Variants in ADK observed in about 807,000 individuals in gnomAD.
The protein encoded by ADK is N6,N6-dimethyladenosine kinase.
In ADK, 24 loss-of-function variants were observed where a neutral mutation model predicts 44.7. The ratio of observed to expected loss-of-function variants is 0.54; its 90% CI spans 0.39 to 0.76. The LOEUF is 0.76. ADK is among the 30% of genes least tolerant of loss of function. The pLI, the probability that ADK is intolerant of heterozygous loss-of-function variation, is 0.00. For missense variants in ADK, 321 were observed against 425.1 expected, an observed-to-expected ratio of 0.76 and a Z score of 2.15; for synonymous variants, 128 against 142.6, an observed-to-expected ratio of 0.90 and a Z score of 0.73.
chr10:74,269,804 C>G (rs994604002), intron 3 of ADK, among the ~76,000 whole-genome samples: 1 of 152,098 alleles, frequency 6.6e-6, no homozygotes, highest in African/African-American at 2.4e-5. Context: ...CAAGACCAGC[C>G]TGGCCAACAT....
At position 74,684,168 on chromosome 10, in the gene ADK, A is replaced by G. The variant is rs183460172; in HGVS notation, c.964+13899A>G. Among the ~76,000 whole-genome samples, 20 of 152,374 alleles carry G rather than the reference A, an allele frequency of 1.3e-4. No homozygotes were observed. The East Asian group carries it at 3.3e-3, about 25-fold the overall frequency. Reference sequence around the variant, plus strand: ...AAGTACCAGAAGTTTAGCCCCTAAAATCAGTTAACCACTTGGGAGTTTTGT... The same window carrying G: ...AAGTACCAGAAGTTTAGCCCCTAAAGTCAGTTAACCACTTGGGAGTTTTGT... On this transcript the variant is annotated intron_variant, in intron 10 of 10. Coordinates refer to ENST00000539909, the MANE Select transcript of ADK (RefSeq NM_006721.4).
chr10:74,455,092 C>T (rs541061755), intron 6 of ADK, among the ~76,000 whole-genome samples: 3 of 151,994 alleles, frequency 2.0e-5, no homozygotes, highest in Admixed American at 6.5e-5. Context: ...TATCCTGAAC[C>T]GTGCCTATAG....
chr10:74,183,625 C>T (rs1011212318), intron 1 of ADK, among the ~76,000 whole-genome samples: 1 of 151,744 alleles, frequency 6.6e-6, no homozygotes, highest in Non-Finnish European at 1.5e-5. Flanking sequence ...ATTCACCTGA[C>T]ACAGCCTCCC....
intron 4 of ADK, among the ~76,000 whole-genome samples, chr10:74,370,837 G>A (rs1358905836): frequency 2.0e-5 from 3 of 152,128 alleles, no homozygotes; most frequent in Non-Finnish European, 4.4e-5. Flanking sequence ...GCCTCCAAAA[G>A]TGCTGGGATT....
At chr10:74,438,663 A>G (rs762446499) in intron 6 of ADK, among the ~76,000 whole-genome samples, 14 of 152,140 alleles carry the variant, frequency 9.2e-5, no homozygotes, top group Non-Finnish European at 1.6e-4. Context: ...GCAACCCGAT[A>G]TGTATAAATT....
At chr10:74,660,774 C>G (rs1854689248) in intron 9 of ADK, among the ~76,000 whole-genome samples, 1 of 149,720 alleles carries the variant, frequency 6.7e-6, no homozygotes, top group African/African-American at 2.5e-5. Context: ...TGGCTCATGC[C>G]TGTAATCCCA....
At position 74,398,473 on chromosome 10, in the gene ADK, C is replaced by T; in HGVS notation, c.449C>T (p.Ser150Phe). The change falls in exon 6 of 11, where the codon TCC becomes TTC. Residue 150 changes from serine to phenylalanine, a missense_variant and splice_region_variant. Coordinates refer to ENST00000539909, the MANE Select transcript of ADK (RefSeq NM_006721.4). ...CAACITGDNR[S>F]LIANLAAANC... is the part of the protein sequence containing the mutation. Reference sequence around the variant, plus strand: ...TGCTTATTCTTTGGTTGTTTTAGGTCCCTCATAGCTAATCTTGCTGCTGCC... The same window carrying T: ...TGCTTATTCTTTGGTTGTTTTAGGTTCCTCATAGCTAATCTTGCTGCTGCC... 4 of 1,602,288 alleles carry T rather than the reference C, an allele frequency of 2.5e-6. No homozygotes were observed. Among genetic ancestry groups the T allele is most frequent in the Non-Finnish European group, 3.4e-6 (4 of 1,170,430 alleles).
intron 6 of ADK, among the ~76,000 whole-genome samples, chr10:74,454,542 A>G (rs1163970600): frequency 6.6e-6 from 1 of 152,170 alleles, no homozygotes; most frequent in African/African-American, 2.4e-5. Flanking sequence ...TCACTTCTTA[A>G]GCAGTTAACT....
intron 4 of ADK, among the ~76,000 whole-genome samples, chr10:74,328,822 A>C (rs1841110216): frequency 6.6e-6 from 1 of 152,014 alleles, no homozygotes; most frequent in African/African-American, 2.4e-5. Flanking sequence ...TCAGTCTTGG[A>C]TATTTCTTTA....
intron 7 of ADK, among the ~76,000 whole-genome samples, chr10:74,545,836 G>C (rs1434369111): frequency 1.3e-5 from 2 of 151,948 alleles, no homozygotes. Context: ...TAATACAGTG[G>C]GTATTAGTAC....
chr10:74,194,628 TA>T (rs1843058382), intron 1 of ADK, among the ~76,000 whole-genome samples: 1 of 152,226 alleles, frequency 6.6e-6, no homozygotes, highest in African/African-American at 2.4e-5. Flanking sequence ...TTATTGTGGC[TA>T]AAACAATTGC....
intron 7 of ADK, among the ~76,000 whole-genome samples, chr10:74,553,182 C>A (rs1235636997): frequency 1.4e-5 from 2 of 141,356 alleles, no homozygotes; most frequent in Non-Finnish European, 3.0e-5. Context: ...AATTTTTCAG[C>A]ACATTGTGTT....
At chr10:74,240,995 G>A (rs561034991) in intron 3 of ADK, among the ~76,000 whole-genome samples, 2 of 152,172 alleles carry the variant, frequency 1.3e-5, no homozygotes, top group African/African-American at 4.8e-5. Flanking sequence ...GTTTTATCTG[G>A]AATGTTTTAT....
At chr10:74,697,093 T>C (rs996936275) in intron 10 of ADK, among the ~76,000 whole-genome samples, 12 of 152,206 alleles carry the variant, frequency 7.9e-5, no homozygotes, top group Admixed American at 5.2e-4. Flanking sequence ...TTAAAATGTT[T>C]AAACTCTACA....
intron 2 of ADK, among the ~76,000 whole-genome samples, chr10:74,212,984 A>G (rs1166939485): frequency 6.6e-6 from 1 of 152,212 alleles, no homozygotes; most frequent in Non-Finnish European, 1.5e-5. Flanking sequence ...GGAGGAGGAT[A>G]TGGAAGAGGG....
chr10:74,292,563 C>T (rs1221958899), intron 3 of ADK, among the ~76,000 whole-genome samples: 1 of 152,140 alleles, frequency 6.6e-6, no homozygotes, highest in Non-Finnish European at 1.5e-5. Context: ...ACACTGAACT[C>T]CTAATCTTTC....
chr10:74,443,411 T>C (rs1199981087), intron 6 of ADK, among the ~76,000 whole-genome samples: 1 of 152,184 alleles, frequency 6.6e-6, no homozygotes, highest in Non-Finnish European at 1.5e-5. Context: ...AGATAAACCT[T>C]TAAAACATTG....
At chr10:74,160,524 C>T (rs954927931) in intron 1 of ADK, among the ~76,000 whole-genome samples, 5 of 152,188 alleles carry the variant, frequency 3.3e-5, no homozygotes, top group African/African-American at 4.8e-5. Flanking sequence ...TGGATGAAGC[C>T]AAGCACCGTC....
intron 6 of ADK, among the ~76,000 whole-genome samples, chr10:74,436,607 T>G (rs1177136171): frequency 6.6e-6 from 1 of 152,120 alleles, no homozygotes; most frequent in African/African-American, 2.4e-5. Context: ...AATGCCCCTA[T>G]AATATGCTTA....
Sources: gnomAD v4.1 joint callset for allele counts (sites outside exome capture counted in the v4.1 genomes callset) on GRCh38, gnomAD v4.1.1 for gene constraint, MANE v1.5 for transcripts, NCBI Gene and HGNC (gene_info 2026-07-23, HGNC 2026-07-21) for gene names.